Variants in TENM3 observed in about 807,000 individuals in gnomAD.
TENM3 encodes teneurin-3.
TENM3 carries 63 observed loss-of-function variants against 255.1 expected under a neutral mutation model. That is an observed-to-expected ratio of 0.25 (90% CI 0.20 to 0.30). TENM3 has a LOEUF of 0.30. TENM3 is among the 10% of genes least tolerant of loss of function. TENM3 has a pLI of 1.00. For synonymous variants in TENM3, 1,306 were observed against 1,322.3 expected (o/e 0.99, Z 0.27); for missense variants, 2,929 against 3,461.1 (o/e 0.85, Z 3.86).
intron 3 of TENM3, among the ~76,000 whole-genome samples, chr4:182,373,199 T>A (rs929903312): frequency 6.6e-6 from 1 of 152,210 alleles, no homozygotes; most frequent in Non-Finnish European, 1.5e-5. Flanking sequence ...TCTTTGCCTT[T>A]GCAAAATTAA....
intron 3 of TENM3, among the ~76,000 whole-genome samples, chr4:182,380,431 T>G (rs924614482): frequency 2.0e-5 from 3 of 152,228 alleles, no homozygotes; most frequent in Non-Finnish European, 2.9e-5. Flanking sequence ...CCATGTCCAC[T>G]TCGCCTCCTG....
chr4:182,569,956 G>A (rs892087505), intron 3 of TENM3, among the ~76,000 whole-genome samples: 1 of 152,128 alleles, frequency 6.6e-6, no homozygotes, highest in African/African-American at 2.4e-5. Flanking sequence ...ATATATTAGG[G>A]TAAATAAAAT....
chr4:182,720,469 T>C (rs925387453), intron 13 of TENM3, among the ~76,000 whole-genome samples: 3 of 152,060 alleles, frequency 2.0e-5, no homozygotes, highest in Non-Finnish European at 4.4e-5. Context: ...CCTGTATTAT[T>C]CAGGTAGATG....
chr4:182,359,820 C>G (rs979453036), intron 3 of TENM3, among the ~76,000 whole-genome samples: 1 of 151,686 alleles, frequency 6.6e-6, no homozygotes, highest in Non-Finnish European at 1.5e-5. Flanking sequence ...GTTAGGGTGT[C>G]GATTTTGGAT....
At chr4:181,935,079 TCA>T in the TENM3 span, among the ~76,000 whole-genome samples, 1 of 152,238 alleles carries the variant, frequency 6.6e-6, no homozygotes, top group Non-Finnish European at 1.5e-5. Context: ...ATTAGGAAAC[TCA>T]CAGTCATTTT....
At chr4:181,876,463 G>A in the TENM3 span, among the ~76,000 whole-genome samples, 1 of 152,150 alleles carries the variant, frequency 6.6e-6, no homozygotes, top group Non-Finnish European at 1.5e-5. Flanking sequence ...CTTGGGTGCT[G>A]TAATACGTTT....
At chr4:182,657,883 T>C (rs1284038111) in intron 6 of TENM3, among the ~76,000 whole-genome samples, 2 of 152,206 alleles carry the variant, frequency 1.3e-5, no homozygotes, top group Non-Finnish European at 2.9e-5. Flanking sequence ...CTTGAACTCC[T>C]GAGCTCAAGC....
At chr4:182,555,626 T>G (rs1371419425) in intron 3 of TENM3, among the ~76,000 whole-genome samples, 1 of 152,078 alleles carries the variant, frequency 6.6e-6, no homozygotes, top group African/African-American at 2.4e-5. Flanking sequence ...GCCTTACAAA[T>G]AAATACCATG....
the TENM3 span, among the ~76,000 whole-genome samples, chr4:181,734,737 T>C: frequency 6.6e-6 from 1 of 152,168 alleles, no homozygotes; most frequent in East Asian, 1.9e-4. Context: ...GTTGAGAATA[T>C]GAGAATAAGA....
chr4:182,055,973 A>C, the TENM3 span, among the ~76,000 whole-genome samples: 6 of 152,116 alleles, frequency 3.9e-5, no homozygotes. Flanking sequence ...AAAAGAGTTA[A>C]AAATCGTAGC....
the TENM3 span, among the ~76,000 whole-genome samples, chr4:181,933,313 A>G: frequency 6.6e-6 from 1 of 152,218 alleles, no homozygotes; most frequent in Non-Finnish European, 1.5e-5. Flanking sequence ...TGATCCTAAA[A>G]TCATAAATTT....
chr4:181,729,490 A>G, the TENM3 span, among the ~76,000 whole-genome samples: 5 of 152,102 alleles, frequency 3.3e-5, no homozygotes, highest in Non-Finnish European at 7.3e-5. Flanking sequence ...GGAACCGGAA[A>G]GGCAGCCAGG....
the TENM3 span, among the ~76,000 whole-genome samples, chr4:181,879,860 G>A: frequency 1.1e-4 from 17 of 151,848 alleles, no homozygotes; most frequent in South Asian, 1.3e-3. Flanking sequence ...ACCTGCAAGC[G>A]TCATGCACAT....
chr4:181,651,225 A>C, the TENM3 span, among the ~76,000 whole-genome samples: 1 of 152,252 alleles, frequency 6.6e-6, no homozygotes, highest in African/African-American at 2.4e-5. Flanking sequence ...AAATTAATAT[A>C]AATTAAGTTT....
intron 3 of TENM3, among the ~76,000 whole-genome samples, chr4:182,419,859 G>A (rs1254710929): frequency 1.3e-5 from 2 of 149,900 alleles, no homozygotes; most frequent in African/African-American, 4.9e-5. Context: ...ATCACACACC[G>A]GGGCCTGTCG....
At chr4:182,734,731 C>T (rs1389823531) in intron 16 of TENM3, among the ~76,000 whole-genome samples, 2 of 152,138 alleles carry the variant, frequency 1.3e-5, no homozygotes, top group African/African-American at 4.8e-5. Flanking sequence ...CTGGATTTAC[C>T]TTTCCTACTA....
chr4:182,646,799 G>T (rs751546384), intron 5 of TENM3, among the ~76,000 whole-genome samples: 4 of 152,042 alleles, frequency 2.6e-5, no homozygotes, highest in Non-Finnish European at 4.4e-5. Context: ...CATAACCATT[G>T]TGAGAAAGAT....
chr4:182,162,989 C>T (rs552442523), intron 1 of TENM3, among the ~76,000 whole-genome samples: 166 of 152,262 alleles, frequency 1.1e-3, no homozygotes, highest in Non-Finnish European at 2.0e-3. Flanking sequence ...AAAGCTGCCC[C>T]TTCTCCTGTA....
chr4:181,595,649 A>C, the TENM3 span, among the ~76,000 whole-genome samples: 2 of 151,900 alleles, frequency 1.3e-5, no homozygotes, highest in South Asian at 4.2e-4. Flanking sequence ...AGTCTAAAAA[A>C]CGCTGGTTTA....
Sources: allele counts gnomAD v4.1 joint callset (sites outside exome capture counted in the v4.1 genomes callset), GRCh38; gene constraint gnomAD v4.1.1; transcripts MANE v1.5; gene names NCBI Gene and HGNC (gene_info 2026-07-23, HGNC 2026-07-21).